AREL1: variants seen among roughly 807,000 people sequenced by gnomAD.
The protein encoded by AREL1 is apoptosis-resistant E3 ubiquitin protein ligase 1.
A neutral mutation model predicts 99.0 loss-of-function variants in AREL1; 62 were observed. The observed-to-expected ratio is 0.63, with a 90% confidence interval of 0.51 to 0.77. The LOEUF is 0.77. Ranked by LOEUF, AREL1 falls within the 30% of genes least tolerant of loss-of-function variation. The pLI is 0.00. For synonymous variants in AREL1, 380 were observed against 376.5 expected (o/e 1.01, Z -0.11); for missense variants, 879 against 1,027.6 (o/e 0.86, Z 1.98).
chr14:74,678,390 C>T (rs1566687095), intron 5 of AREL1: 1 of 298,354 alleles, frequency 3.4e-6, no homozygotes, highest in South Asian at 2.6e-5. Flanking sequence ...CCCAGCTACT[C>T]GGGAGGTTGA....
At chr14:74,689,587 CTTTTCTT>C (rs1306246463) in intron 2 of AREL1, among the ~76,000 whole-genome samples, 3 of 113,714 alleles carry the variant, frequency 2.6e-5, no homozygotes, top group Non-Finnish European at 3.9e-5. Flanking sequence ...TCTTATAGCA[CTTTTCTT>C]TTTTTTTTTT....
intron 2 of AREL1, among the ~76,000 whole-genome samples, chr14:74,689,012 ATT>A (rs80335637): frequency 1.4e-4 from 18 of 131,858 alleles, no homozygotes; most frequent in Admixed American, 1.5e-4. Flanking sequence ...AATTTTTTGT[ATT>A]TTTTTTTTTT....
intron 5 of AREL1, among the ~76,000 whole-genome samples, chr14:74,677,089 A>C (rs562026639): frequency 1.3e-5 from 2 of 151,094 alleles, no homozygotes; most frequent in Non-Finnish European, 3.0e-5. Context: ...GTGAGCCACC[A>C]CGCCCGGCTG....
chr14:74,703,190 A>T (rs2090116194), intron 1 of AREL1, among the ~76,000 whole-genome samples: 1 of 152,214 alleles, frequency 6.6e-6, no homozygotes, highest in South Asian at 2.1e-4. Flanking sequence ...TAAAGAAAAA[A>T]GGTTGAATGG....
At position 74,709,578 on chromosome 14, in the gene AREL1, G is replaced by A. The variant is rs113892944; in HGVS notation, c.-334+3355C>T. On this transcript the variant is annotated intron_variant, in intron 1 of 19. Transcript: ENST00000356357. Reference sequence around the variant, plus strand: ...TTTCTGAATGAATGACCAAGCGGCAGTAATCTATCTCTGAGGTATTCTTAC... The same window carrying A: ...TTTCTGAATGAATGACCAAGCGGCAATAATCTATCTCTGAGGTATTCTTAC... Among the ~76,000 whole-genome samples, 269 of 152,322 alleles carry A rather than the reference G, an allele frequency of 1.8e-3. 1 individual carries two copies. Among genetic ancestry groups the A allele is most frequent in the African/African-American group, 6.2e-3 (257 of 41,572 alleles).
chr14:74,692,353 A>G, intron 1 of AREL1, 25 bp from the exon 2 acceptor site: 1 of 402,046 alleles, frequency 2.5e-6, no homozygotes, highest in Non-Finnish European at 4.8e-6. Context: ...AAACAGGGTT[A>G]GTTGGAATAG....
chr14:74,686,682 T>C (rs536748212), intron 2 of AREL1, among the ~76,000 whole-genome samples: 5 of 152,186 alleles, frequency 3.3e-5, no homozygotes, highest in East Asian at 1.9e-4. Context: ...GGTGTGTTTT[T>C]ACATCTGATT....
rs920293281 is a variant in AREL1 at position 74,670,667 on chromosome 14, G to A, written c.1608+95C>T. On this transcript the variant is annotated intron_variant, in intron 13 of 19. Coordinates refer to ENST00000356357, the MANE Select transcript of AREL1 (RefSeq NM_001039479.2). ...TAAAATTAAGAATAGGACACAGGTT[G>A]TCAGGTTCCCAGATCAGTTTCATAA... is the stretch of plus-strand genomic sequence containing the variant. The A allele has an allele frequency of 4.0e-6, 4 of 1,000,286 alleles. No individual in the cohort carries two copies. The South Asian group carries it at 5.9e-5, about 15-fold the overall frequency. The allele number at this position is 1,000,286 out of a possible 1,614,324, so 62.0% of individuals were successfully genotyped here.
In AREL1 at chr14:74,676,176, A is replaced by T; in HGVS notation, c.797T>A (p.Ile266Asn). Residue 266 changes from isoleucine to asparagine, a missense_variant, in exon 7 of 20, where the codon ATC becomes AAC. Ile to Asn is a moderately radical substitution (Grantham distance 149). Coordinates refer to ENST00000356357, the MANE Select transcript of AREL1 (RefSeq NM_001039479.2). The part of the protein sequence containing the change: ...HACISYQNQP[I>N]NNGEFDIIVL... ...AATAATGTCAAATTCACCATTATTG[A>T]TTGGCTGATTTTGGTATGAAATGCA... 1 of 1,614,020 alleles carries T rather than the reference A, an allele frequency of 6.2e-7. No individual in the cohort carries two copies. The highest frequency in any genetic ancestry group is 8.5e-7 in the Non-Finnish European group (1 of 1,180,012).
chr14:74,682,810 C>T (rs1172968896), intron 5 of AREL1, among the ~76,000 whole-genome samples: 1 of 152,236 alleles, frequency 6.6e-6, no homozygotes, highest in African/African-American at 2.4e-5. Context: ...CTCCCTCTCT[C>T]ACCATTAGGC....
At chr14:74,674,159 C>T (rs772513931) in intron 8 of AREL1, 48 bp from the exon 9 acceptor site, 1 of 1,490,500 alleles carries the variant, frequency 6.7e-7, no homozygotes, top group Admixed American at 1.7e-5. Context: ...AATAAAAAGG[C>T]TCTATTTGGG....
intron 15 of AREL1, 36 bp from the exon 16 acceptor site, chr14:74,667,630 C>T (rs1291490664): frequency 2.6e-6 from 4 of 1,559,614 alleles, no homozygotes; most frequent in African/African-American, 1.4e-5. Context: ...AAGGGAGAGG[C>T]TGTGGATGGA....
intron 11 of AREL1, among the ~76,000 whole-genome samples, chr14:74,672,408 A>T (rs1408392797): frequency 2.0e-5 from 3 of 152,248 alleles, no homozygotes; most frequent in African/African-American, 7.2e-5. Context: ...GTATATCTAT[A>T]TCTTTACTTA....
chr14:74,670,725 A>C (rs2089315471), intron 13 of AREL1, 37 bp downstream of exon 13: 1 of 1,572,696 alleles, frequency 6.4e-7, no homozygotes, highest in Non-Finnish European at 8.7e-7. Context: ...CCATGATAAC[A>C]TAATCCACAT....
intron 2 of AREL1, among the ~76,000 whole-genome samples, chr14:74,685,971 A>G (rs2089739097): frequency 1.3e-5 from 2 of 152,246 alleles, no homozygotes; most frequent in Admixed American, 6.5e-5. Flanking sequence ...ATAGTTCCCA[A>G]GACAGTTTCC....
chr14:74,712,995 A>G lies in AREL1; in HGVS notation c.-396T>C, dbSNP rs2090346099. 2.5e-6 allele frequency: 2 copies of G among 814,986 alleles called. No individual in the cohort carries two copies. Among genetic ancestry groups the G allele is most frequent in the South Asian group, 2.9e-5 (2 of 70,036 alleles). The allele number at this position is 814,986 out of a possible 1,614,324, so 50.5% of individuals were successfully genotyped here. On this transcript the variant is annotated 5_prime_UTR_variant, in exon 1 of 20. Transcript: ENST00000356357. ...CGCTGTCCTGGGAAGGGGCGGCAGCACTCAGCAGAAGACGGGCTCCCCACT... is the reference window on the plus strand; with the variant it reads ...CGCTGTCCTGGGAAGGGGCGGCAGCGCTCAGCAGAAGACGGGCTCCCCACT...
At chr14:74,709,070 C>T (rs1746303674) in intron 1 of AREL1, among the ~76,000 whole-genome samples, 1 of 152,152 alleles carries the variant, frequency 6.6e-6, no homozygotes, top group African/African-American at 2.4e-5. Flanking sequence ...CATTCAGAAC[C>T]CTTCAAAGAA....
rs74718095 is a variant in AREL1 at position 74,675,409 on chromosome 14, C to T, written c.1080+290G>A. ...GGGGCTTGGGAAATTCACCTTCTTT[C>T]CTCTGCCAAAATTTCTTTACTCCAA... On this transcript the variant is annotated intron_variant, in intron 8 of 19. Transcript: ENST00000356357. Among the ~76,000 whole-genome samples the T allele has an allele frequency of 7.9e-3, 1,198 of 152,316 alleles. 9 individuals carry two copies. The highest frequency in any genetic ancestry group is 0.027 in the East Asian group (139 of 5,182).
Position 74,681,549 on chromosome 14 carries a change from C to T in AREL1, c.481+1747G>A, listed in dbSNP as rs927351206. Among the ~76,000 whole-genome samples the T allele has an allele frequency of 1.4e-4, 21 of 152,034 alleles. No homozygotes were observed. The South Asian group carries it at 3.7e-3, about 27-fold the overall frequency. On this transcript the variant is annotated intron_variant, in intron 5 of 19. Transcript: ENST00000356357. ...CAGCACTTTGGGAGGCTGAGGCGAG[C>T]GGATCATGAGGTCAGGAGATCGAGA...
Sources: allele counts gnomAD v4.1 joint callset (sites outside exome capture counted in the v4.1 genomes callset), GRCh38; gene constraint gnomAD v4.1.1; transcripts MANE v1.5; gene names NCBI Gene and HGNC (gene_info 2026-07-23, HGNC 2026-07-21).